COP1: variants seen among roughly 807,000 people sequenced by gnomAD.
The protein encoded by COP1 is E3 ubiquitin-protein ligase COP1.
Under a neutral mutation model 101.3 loss-of-function variants are expected in COP1, and 24 were observed. The observed-to-expected ratio is 0.24, with a 90% CI of 0.17 to 0.33. The LOEUF is 0.33. Ranked by LOEUF, COP1 falls within the 10% of genes least tolerant of loss-of-function variation. The pLI, the probability that COP1 is intolerant of heterozygous loss-of-function variation, is 1.00. For synonymous variants in COP1, 347 were observed against 341.9 expected (o/e 1.01, Z -0.17); for missense variants, 663 against 906.2 (o/e 0.73, Z 3.45).
chr1:176,008,623 T>A (rs1339371694), intron 15 of COP1, among the ~76,000 whole-genome samples: 4 of 152,226 alleles, frequency 2.6e-5, no homozygotes, highest in Non-Finnish European at 4.4e-5. Context: ...AGAATTTTTC[T>A]TGTTTGTGTA....
At chr1:175,955,120 A>C (rs190756557) in intron 18 of COP1, among the ~76,000 whole-genome samples, 12 of 151,968 alleles carry the variant, frequency 7.9e-5, no homozygotes, top group Admixed American at 7.2e-4. Context: ...GGTGGCATGC[A>C]CCTGTAGTCC....
At chr1:176,196,731 C>T (rs576186596) in intron 1 of COP1, among the ~76,000 whole-genome samples, 15 of 152,128 alleles carry the variant, frequency 9.9e-5, no homozygotes, top group South Asian at 4.2e-4. Flanking sequence ...GGGGAACATT[C>T]CATATCGTCT....
At chr1:176,193,001 C>G (rs1205703508) in intron 1 of COP1, among the ~76,000 whole-genome samples, 1 of 152,138 alleles carries the variant, frequency 6.6e-6, no homozygotes, top group African/African-American at 2.4e-5. Flanking sequence ...CTGTATATTG[C>G]ATATACCACT....
intron 1 of COP1, among the ~76,000 whole-genome samples, chr1:176,197,266 T>C (rs1699798415): frequency 6.6e-6 from 1 of 152,022 alleles, no homozygotes; most frequent in African/African-American, 2.4e-5. Context: ...CTTATAAAAA[T>C]TATCCAGGTG....
intron 15 of COP1, among the ~76,000 whole-genome samples, chr1:175,989,865 A>G (rs1369238263): frequency 6.6e-6 from 1 of 152,172 alleles, no homozygotes; most frequent in Non-Finnish European, 1.5e-5. Flanking sequence ...ATGCAATTCA[A>G]CGATCTTTAC....
chr1:176,115,745 A>AAAAAT (rs888369845), intron 9 of COP1, among the ~76,000 whole-genome samples: 1 of 152,146 alleles, frequency 6.6e-6, no homozygotes, highest in African/African-American at 2.4e-5. Context: ...TCTGTTTCAA[A>AAAAAT]AAAATAAAAT....
intron 6 of COP1, 51 bp downstream of exon 6, chr1:176,148,953 AAC>A (rs1691992287): frequency 1.8e-6 from 2 of 1,134,172 alleles, no homozygotes; most frequent in Admixed American, 5.1e-5. Flanking sequence ...ACAAAATGGG[AAC>A]AGTTAACAAT....
chr1:175,972,275 G>A (rs556574844), intron 18 of COP1, among the ~76,000 whole-genome samples: 5 of 152,136 alleles, frequency 3.3e-5, no homozygotes, highest in South Asian at 2.1e-4. Context: ...ACCATACTTT[G>A]AAAAATACTA....
chr1:176,177,945 C>A (rs1290423446), intron 2 of COP1, among the ~76,000 whole-genome samples: 1 of 152,168 alleles, frequency 6.6e-6, no homozygotes, highest in Admixed American at 6.5e-5. Flanking sequence ...GACCTAAAGA[C>A]TGAAGTAAAT....
rs537921309 is a variant in COP1, at chr1:176,055,181, C to T, written c.1278-8857G>A. Reference sequence around the variant, plus strand: ...GGGTGCAGTGGCTCAAGCCTGTAATCCCATCACTTCGGGAGGCCGAGACAG... The same window carrying T: ...GGGTGCAGTGGCTCAAGCCTGTAATTCCATCACTTCGGGAGGCCGAGACAG... On this transcript the variant is annotated intron_variant, in intron 11 of 19. Transcript: ENST00000367669. Among the ~76,000 whole-genome samples the T allele has an allele frequency of 2.6e-5, 4 of 152,358 alleles. No homozygotes were observed. The East Asian group carries it at 7.7e-4, about 29-fold the overall frequency.
intron 1 of COP1, among the ~76,000 whole-genome samples, chr1:176,186,102 G>A (rs1698409640): frequency 2.0e-5 from 3 of 152,094 alleles, no homozygotes; most frequent in Admixed American, 2.0e-4. Flanking sequence ...AAAGAAAACT[G>A]AGATTTGGGG....
At chr1:175,979,613 T>C (rs1235124704) in intron 18 of COP1, among the ~76,000 whole-genome samples, 1 of 152,126 alleles carries the variant, frequency 6.6e-6, no homozygotes, top group Non-Finnish European at 1.5e-5. Flanking sequence ...TACTTTCTTG[T>C]AGCTGCACAC....
intron 18 of COP1, among the ~76,000 whole-genome samples, chr1:175,949,477 C>T (rs551909399): frequency 1.3e-5 from 2 of 152,268 alleles, no homozygotes; most frequent in South Asian, 4.2e-4. Context: ...GAAAGAGGCA[C>T]TGTGTGGTGC....
chr1:175,995,472 AG>A (rs763425123), intron 15 of COP1, among the ~76,000 whole-genome samples: 13 of 152,206 alleles, frequency 8.5e-5, no homozygotes, highest in Non-Finnish European at 1.3e-4. Flanking sequence ...GTTTTTTGAA[AG>A]GATCAACAAA....
chr1:176,128,589 C>A (rs1338808055), intron 8 of COP1, among the ~76,000 whole-genome samples: 1 of 151,936 alleles, frequency 6.6e-6, no homozygotes, highest in Non-Finnish European at 1.5e-5. Flanking sequence ...CAGCAAAACA[C>A]CATGTATGTT....
At chr1:176,115,962 T>C (rs1373289528) in intron 9 of COP1, among the ~76,000 whole-genome samples, 3 of 152,314 alleles carry the variant, frequency 2.0e-5, no homozygotes, top group Middle Eastern at 3.4e-3. Flanking sequence ...TTCAACGTAA[T>C]GAAGCGTAAT....
chr1:176,079,301 A>C (rs1185112755), intron 11 of COP1, among the ~76,000 whole-genome samples: 1 of 152,202 alleles, frequency 6.6e-6, no homozygotes, highest in Non-Finnish European at 1.5e-5. Flanking sequence ...CATAGCCTTA[A>C]AAAATAATAA....
intron 15 of COP1, among the ~76,000 whole-genome samples, chr1:176,009,887 GGGT>G (rs1304934194): frequency 1.5e-5 from 2 of 137,406 alleles, no homozygotes. Flanking sequence ...TGGGGGGGGG[GGGT>G]CCGCAATAAT....
In COP1 at chr1:176,006,573, G is replaced by C. The variant is rs560068624; in HGVS notation, c.1730-17094C>G. 4.0e-4 allele frequency among the ~76,000 whole-genome samples: 61 copies of C among 152,226 alleles called. 1 individual carries two copies. In the South Asian group the frequency reaches 0.012, roughly 30 times the overall value. ...TGACAAAATCCCTCAGCATTTGCTG[G>C]TCTGTAAAGTATTTTATTTCTCCTT... On this transcript the variant is annotated intron_variant, in intron 15 of 19. Coordinates refer to ENST00000367669, the MANE Select transcript of COP1 (RefSeq NM_022457.7).
Sources: allele counts gnomAD v4.1 joint callset (sites outside exome capture counted in the v4.1 genomes callset), GRCh38; gene constraint gnomAD v4.1.1; transcripts MANE v1.5; gene names NCBI Gene and HGNC (gene_info 2026-07-23, HGNC 2026-07-21).